The following PIP5K1B variants were observed in gnomAD, a reference collection of about 807,000 sequenced individuals.
PIP5K1B encodes phosphatidylinositol 4-phosphate 5-kinase type-1 beta.
Under a neutral mutation model 67.0 loss-of-function variants are expected in PIP5K1B, and 42 were observed. The observed-to-expected ratio is 0.63, with a 90% CI of 0.49 to 0.81. The LOEUF (loss-of-function observed/expected upper bound fraction) is 0.81. Among genes scored for constraint, PIP5K1B ranks in the 30% least tolerant of loss-of-function variants. The pLI is 0.00. For missense variants in PIP5K1B, 459 were observed against 646.3 expected (o/e 0.71, Z 3.14); for synonymous variants, 214 against 231.4 (o/e 0.92, Z 0.68).
intron 2 of PIP5K1B, among the ~76,000 whole-genome samples, chr9:68,758,990 A>G (rs1830068043): frequency 6.6e-6 from 1 of 152,164 alleles, no homozygotes; most frequent in Non-Finnish European, 1.5e-5. Context: ...TTCTATATTC[A>G]GCAAAAATAT....
At chr9:68,988,118 C>T (rs1587766595) in intron 14 of PIP5K1B, among the ~76,000 whole-genome samples, 1 of 152,146 alleles carries the variant, frequency 6.6e-6, no homozygotes. Context: ...ATTTAGTCTT[C>T]CCAAACAGTT....
At chr9:68,984,775 A>G (rs1169780136) in intron 14 of PIP5K1B, among the ~76,000 whole-genome samples, 32 of 152,222 alleles carry the variant, frequency 2.1e-4, no homozygotes, top group Admixed American at 1.8e-3. Context: ...ACCAAACATC[A>G]TATACCATAT....
intron 2 of PIP5K1B, among the ~76,000 whole-genome samples, chr9:68,790,301 G>A (rs750673218): frequency 7.2e-5 from 11 of 152,216 alleles, no homozygotes; most frequent in Non-Finnish European, 1.5e-4. Context: ...AAGAGGATCC[G>A]AAAAAGGAAA....
intron 14 of PIP5K1B, among the ~76,000 whole-genome samples, chr9:68,956,723 G>A (rs1053225547): frequency 4.6e-5 from 7 of 152,224 alleles, no homozygotes; most frequent in Non-Finnish European, 1.5e-5. Context: ...GTTTTACTTA[G>A]AAGTGCATTC....
At chr9:68,797,888 A>G (rs181354945) in intron 2 of PIP5K1B, among the ~76,000 whole-genome samples, 1 of 152,324 alleles carries the variant, frequency 6.6e-6, no homozygotes, top group Admixed American at 6.5e-5. Context: ...TGAGATTTCA[A>G]ACAAAGTAGA....
chr9:68,763,374 C>T (rs539325518), intron 2 of PIP5K1B, among the ~76,000 whole-genome samples: 1 of 152,226 alleles, frequency 6.6e-6, no homozygotes, highest in African/African-American at 2.4e-5. Context: ...AATAAAACAA[C>T]ACTACCTACC....
chr9:68,855,011 A>G (rs1489675799), intron 4 of PIP5K1B, among the ~76,000 whole-genome samples: 1 of 152,256 alleles, frequency 6.6e-6, no homozygotes, highest in African/African-American at 2.4e-5. Context: ...GAGTCCATCA[A>G]ATAATTTTGT....
At chr9:68,942,506 C>G (rs559953721) in intron 14 of PIP5K1B, among the ~76,000 whole-genome samples, 1 of 152,060 alleles carries the variant, frequency 6.6e-6, no homozygotes, top group South Asian at 2.1e-4. Flanking sequence ...AGTCTCTTGA[C>G]CAGGGGTGTT....
At chr9:68,928,857 C>T (rs780616015) in intron 12 of PIP5K1B, among the ~76,000 whole-genome samples, 48 of 152,100 alleles carry the variant, frequency 3.2e-4, no homozygotes, top group Non-Finnish European at 6.0e-4. Flanking sequence ...TACTTAATGC[C>T]TGTCCCCTTT....
At chr9:68,729,331 T>C (rs550084235) in intron 1 of PIP5K1B, among the ~76,000 whole-genome samples, 1 of 152,296 alleles carries the variant, frequency 6.6e-6, no homozygotes, top group African/African-American at 2.4e-5. Flanking sequence ...TTTAAATCAC[T>C]GATTATTGAA....
rs576810511 is a variant in PIP5K1B at position 68,760,372 on chromosome 9, GACAA to G, written c.-86+17723_-86+17726del. On this transcript the variant is annotated intron_variant, in intron 2 of 15. Coordinates refer to ENST00000265382, the MANE Select transcript of PIP5K1B (RefSeq NM_003558.4). ...ACAGAAGTCCTCAGTGAAAAAAACAGACAAACAAACAGGACTATTCCAATGAAAT... is the reference window on the plus strand; with the variant it reads ...ACAGAAGTCCTCAGTGAAAAAAACAGACAAACAGGACTATTCCAATGAAAT... Among the ~76,000 whole-genome samples, 299 of 152,240 alleles carry G rather than the reference GACAA, an allele frequency of 2.0e-3. 4 individuals are homozygous for G. Among genetic ancestry groups the G allele is most frequent in the Non-Finnish European group, 3.4e-3 (233 of 67,980 alleles).
intron 6 of PIP5K1B, among the ~76,000 whole-genome samples, chr9:68,880,876 A>G (rs1824168652): frequency 1.3e-5 from 2 of 152,158 alleles, no homozygotes. Context: ...CAGCTCCCCA[A>G]CAAACTTTGG....
At chr9:68,919,402 A>G (rs775225862) in intron 9 of PIP5K1B, 77 bp from the exon 10 acceptor site, 51 of 690,696 alleles carry the variant, frequency 7.4e-5, no homozygotes, top group Non-Finnish European at 1.1e-4. Context: ...TTTTCAGTCT[A>G]TTTATTAGAA....
rs5898051 is a variant in PIP5K1B, at chr9:68,920,359, CT to C, written c.1116+656del. Among the ~76,000 whole-genome samples, 94 of 98,370 alleles carry C rather than the reference CT, an allele frequency of 9.6e-4. 32 individuals are homozygous for C. The highest frequency in any genetic ancestry group is 2.7e-3 in the East Asian group (8 of 2,926). 64.5% of individuals were successfully genotyped at this position (98,370 alleles called of 152,430 possible). On this transcript the variant is annotated intron_variant, in intron 11 of 15. Transcript: ENST00000265382. Reference sequence around the variant, plus strand: ...ATACATGCTGGCTGCCTGAGGTTGTCTTTTTTTTTTTTTTTTTTTTTTTTTT... The same window carrying C: ...ATACATGCTGGCTGCCTGAGGTTGTCTTTTTTTTTTTTTTTTTTTTTTTTT...
intron 2 of PIP5K1B, chr9:68,789,185 A>G: frequency 1.8e-6 from 1 of 544,526 alleles, no homozygotes; most frequent in Non-Finnish European, 3.6e-6. Context: ...ACAGTTATCC[A>G]GTGGGAAGTT....
At chr9:68,916,851 G>A (rs1826121102) in intron 8 of PIP5K1B, among the ~76,000 whole-genome samples, 1 of 150,314 alleles carries the variant, frequency 6.7e-6, no homozygotes, top group South Asian at 2.1e-4. Flanking sequence ...CAGCCTGGGC[G>A]ACAGGGCGAG....
At chr9:68,887,125 C>A (rs1824516884) in intron 6 of PIP5K1B, among the ~76,000 whole-genome samples, 1 of 152,236 alleles carries the variant, frequency 6.6e-6, no homozygotes, top group Non-Finnish European at 1.5e-5. Flanking sequence ...TACTGCAACT[C>A]ATTCCTCACT....
In PIP5K1B at chr9:68,847,385, C is replaced by T. The variant is rs117484154; in HGVS notation, c.70-16452C>T. Among the ~76,000 whole-genome samples, 394 of 148,348 alleles carry T rather than the reference C, an allele frequency of 2.7e-3. 5 individuals carry two copies. In the East Asian group the frequency reaches 0.062, roughly 23 times the overall value. On this transcript the variant is annotated intron_variant, in intron 4 of 15. Coordinates refer to ENST00000265382, the MANE Select transcript of PIP5K1B (RefSeq NM_003558.4). The stretch of plus-strand genomic sequence containing the variant: ...GGAGTTATAATCATCCCCTCTCATT[C>T]CCTAAATCAGCAACAACAGCAGTGG...
intron 5 of PIP5K1B, among the ~76,000 whole-genome samples, chr9:68,867,358 A>G (rs2132278142): frequency 6.6e-6 from 1 of 152,360 alleles, no homozygotes; most frequent in Non-Finnish European, 1.5e-5. Flanking sequence ...ACACAGGCAC[A>G]CCAGATGGAT....
Sources: allele counts gnomAD v4.1 joint callset (sites outside exome capture counted in the v4.1 genomes callset), GRCh38; gene constraint gnomAD v4.1.1; transcripts MANE v1.5; gene names NCBI Gene and HGNC (gene_info 2026-07-23, HGNC 2026-07-21).